Variants in HDAC9 observed in about 807,000 individuals in gnomAD.
The protein encoded by HDAC9 is MEF-2 interacting transcription repressor (MITR) protein.
HDAC9 carries 41 observed loss-of-function variants against 139.4 expected under a neutral mutation model. That is an observed-to-expected ratio of 0.29 (90% CI 0.23 to 0.38). The LOEUF is 0.38. HDAC9 is among the 10% of genes least tolerant of loss of function. The pLI is 1.00. For synonymous variants in HDAC9, 517 were observed against 476.2 expected (o/e 1.09, Z -1.12); for missense variants, 1,147 against 1,297.0 (o/e 0.88, Z 1.78).
chr7:18,154,800 T>A (rs1052087122), intron 1 of HDAC9, among the ~76,000 whole-genome samples: 1 of 152,208 alleles, frequency 6.6e-6, no homozygotes, highest in Non-Finnish European at 1.5e-5. Flanking sequence ...TTAATTACAA[T>A]GATGGCTAAA....
At chr7:18,983,316 T>G (rs1179968802) in intron 25 of HDAC9, among the ~76,000 whole-genome samples, 2 of 152,216 alleles carry the variant, frequency 1.3e-5, no homozygotes, top group Non-Finnish European at 1.5e-5. Context: ...TTCCATTGCA[T>G]GTATATGCCA....
chr7:18,596,925 A>G (rs1273827002), intron 6 of HDAC9, among the ~76,000 whole-genome samples: 1 of 152,124 alleles, frequency 6.6e-6, no homozygotes, highest in Non-Finnish European at 1.5e-5. Flanking sequence ...ATGATCTTAC[A>G]TTGATTGAGA....
chr7:18,636,441 T>C (rs1020332032), intron 8 of HDAC9, among the ~76,000 whole-genome samples: 1 of 151,982 alleles, frequency 6.6e-6, no homozygotes, highest in Non-Finnish European at 1.5e-5. Context: ...TGGCACCACA[T>C]TTGTAGTTCC....
chr7:18,814,597 C>T (rs747301407), intron 17 of HDAC9, among the ~76,000 whole-genome samples: 6 of 152,016 alleles, frequency 3.9e-5, no homozygotes, highest in Admixed American at 1.3e-4. Context: ...TCACCCCCCA[C>T]CCCAACTTGC....
At chr7:18,167,003 C>A (rs959549203) in intron 2 of HDAC9, among the ~76,000 whole-genome samples, 54 of 152,176 alleles carry the variant, frequency 3.5e-4, no homozygotes, top group African/African-American at 1.2e-3. Context: ...AATCCCATGA[C>A]AAGTAGCTCT....
At chr7:18,765,588 G>C (rs1012288826) in intron 15 of HDAC9, among the ~76,000 whole-genome samples, 2 of 152,084 alleles carry the variant, frequency 1.3e-5, no homozygotes, top group African/African-American at 4.8e-5. Context: ...CTAAGCAACA[G>C]AGTGAGACTC....
intron 6 of HDAC9, among the ~76,000 whole-genome samples, chr7:18,610,882 A>G (rs571111759): frequency 8.5e-5 from 13 of 152,326 alleles, no homozygotes; most frequent in African/African-American, 1.2e-4. Context: ...TTGCACCTCC[A>G]TAATAATCAA....
intron 1 of HDAC9, among the ~76,000 whole-genome samples, chr7:18,391,395 A>C (rs1196236042): frequency 6.6e-6 from 1 of 152,056 alleles, no homozygotes; most frequent in African/African-American, 2.4e-5. Context: ...CCCCCCAAAA[A>C]AAAAAGAAAG....
intron 1 of HDAC9, among the ~76,000 whole-genome samples, chr7:18,159,296 G>A (rs753678690): frequency 1.2e-4 from 18 of 152,060 alleles, no homozygotes; most frequent in Admixed American, 2.6e-4. Context: ...ACCTGAAGGC[G>A]AGTTTCCTAT....
intron 2 of HDAC9, among the ~76,000 whole-genome samples, chr7:18,271,885 G>A (rs1796379780): frequency 6.6e-6 from 1 of 152,136 alleles, no homozygotes; most frequent in Non-Finnish European, 1.5e-5. Context: ...CCAGAACATT[G>A]ATAGCATTTA....
At chr7:18,831,505 G>T (rs1795853756) in intron 19 of HDAC9, among the ~76,000 whole-genome samples, 1 of 152,150 alleles carries the variant, frequency 6.6e-6, no homozygotes, top group African/African-American at 2.4e-5. Context: ...AAAGGATACT[G>T]ATTTCCCAAC....
chr7:18,793,478 G>A, intron 17 of HDAC9, 26 bp downstream of exon 17: 1 of 1,382,810 alleles, frequency 7.2e-7, no homozygotes, highest in Admixed American at 2.0e-5. Context: ...CATTAAGTGT[G>A]GGAAATCCAG....
chr7:18,870,350 G>A (rs1798819431), intron 21 of HDAC9, among the ~76,000 whole-genome samples: 1 of 152,028 alleles, frequency 6.6e-6, no homozygotes, highest in Non-Finnish European at 1.5e-5. Context: ...TACTTTTGAA[G>A]AATACTGGTC....
intron 23 of HDAC9, chr7:18,949,189 T>C: frequency 3.9e-6 from 1 of 254,466 alleles, no homozygotes; most frequent in South Asian, 4.4e-5. Flanking sequence ...TTGGCTGGAG[T>C]ATCTTATATA....
intron 2 of HDAC9, among the ~76,000 whole-genome samples, chr7:18,242,551 A>G (rs989981718): frequency 6.6e-6 from 1 of 152,212 alleles, no homozygotes; most frequent in African/African-American, 2.4e-5. Flanking sequence ...AAAGTGAAGC[A>G]TATATTTATA....
chr7:18,628,625 T>C (rs1012718548), intron 6 of HDAC9, among the ~76,000 whole-genome samples: 3 of 152,162 alleles, frequency 2.0e-5, no homozygotes, highest in Non-Finnish European at 4.4e-5. Flanking sequence ...CTGTTTAGAA[T>C]ATGAAATAAA....
rs1247759751 is a variant in HDAC9, at chr7:18,453,779, A to T, written c.-41-42483A>T. Among the ~76,000 whole-genome samples, 4 of 152,200 alleles carry T rather than the reference A, an allele frequency of 2.6e-5. No homozygotes were observed. The East Asian group carries it at 5.8e-4, about 22-fold the overall frequency. On this transcript the variant is annotated intron_variant, in intron 1 of 3. Transcript: ENST00000413509. ...TAAATGTCAGATATTTTATGCAGGT[A>T]TCTGGAACTAAATTATCAATATTTA...
chr7:18,742,284 C>T (rs1787531997), intron 13 of HDAC9, among the ~76,000 whole-genome samples: 1 of 152,186 alleles, frequency 6.6e-6, no homozygotes, highest in South Asian at 2.1e-4. Flanking sequence ...ACAGCCACTC[C>T]AGCCTTCAGT....
At chr7:18,680,262 T>C (rs559630097) in intron 12 of HDAC9, among the ~76,000 whole-genome samples, 2 of 152,110 alleles carry the variant, frequency 1.3e-5, no homozygotes, top group Non-Finnish European at 2.9e-5. Context: ...TTCCAAAGGC[T>C]TTTATGCCTT....
Sources: gnomAD v4.1 joint callset for allele counts (sites outside exome capture counted in the v4.1 genomes callset) on GRCh38, gnomAD v4.1.1 for gene constraint, MANE v1.5 for transcripts, NCBI Gene and HGNC (gene_info 2026-07-23, HGNC 2026-07-21) for gene names.